RBFOX1: variants seen among roughly 807,000 people sequenced by gnomAD.
RBFOX1 encodes RNA binding fox-1 homolog 1, also known as RNA binding protein fox-1 homolog 1.
In RBFOX1, 8 loss-of-function variants were observed where a neutral mutation model predicts 57.7. That is an observed-to-expected ratio of 0.14 (90% CI 0.08 to 0.25). The LOEUF (loss-of-function observed/expected upper bound fraction) is 0.25. Among genes scored for constraint, RBFOX1 ranks in the 10% least tolerant of loss-of-function variants. The pLI is 1.00. For missense variants in RBFOX1, 611 were observed against 548.5 expected (o/e 1.11, Z -1.14); for synonymous variants, 326 against 222.4 (o/e 1.47, Z -4.15).
At chr16:6,727,078 G>C (rs60815026) in intron 3 of RBFOX1, among the ~76,000 whole-genome samples, 383 of 12,510 alleles carry the variant, frequency 0.031, 3 homozygotes, top group African/African-American at 0.039. Flanking sequence ...CACAGAGAGA[G>C]ACACACAAAA....
chr16:5,730,591 C>T (rs73522300), intron 3 of RBFOX1, among the ~76,000 whole-genome samples: 3,013 of 152,212 alleles, frequency 0.02, 91 homozygotes, highest in African/African-American at 0.066. Flanking sequence ...CCATCATCAT[C>T]ACCAACATCA....
At chr16:7,171,234 A>G (rs965287728) in intron 4 of RBFOX1, among the ~76,000 whole-genome samples, 1 of 152,148 alleles carries the variant, frequency 6.6e-6, no homozygotes, top group Non-Finnish European at 1.5e-5. Flanking sequence ...TCCATGAACT[A>G]TGCTCTTAGG....
intron 5 of RBFOX1, among the ~76,000 whole-genome samples, chr16:7,527,863 T>A (rs915623496): frequency 6.6e-6 from 1 of 152,216 alleles, no homozygotes; most frequent in Non-Finnish European, 1.5e-5. Context: ...AAAAATGTTT[T>A]ATCCAGGAGA....
In RBFOX1 at chr16:6,270,315, C is replaced by G. The variant is rs146181132; in HGVS notation, c.-126-46680C>G. Among the ~76,000 whole-genome samples the G allele has an allele frequency of 7.5e-3, 1,145 of 152,088 alleles. 9 individuals carry two copies. The highest frequency in any genetic ancestry group is 0.024 in the African/African-American group (999 of 41,514). ...GAGTGGATTAAAGTATACAACCTAA[C>G]TATATGCTGTTGACAAGAAACTCCT... On this transcript the variant is annotated intron_variant, in intron 1 of 15. Coordinates refer to ENST00000550418, the MANE Select transcript of RBFOX1 (RefSeq NM_018723.4).
chr16:7,478,946 C>T (rs560772021), intron 4 of RBFOX1, among the ~76,000 whole-genome samples: 6 of 152,036 alleles, frequency 3.9e-5, no homozygotes, highest in East Asian at 3.9e-4. Context: ...CGTTTGTTCC[C>T]GTGCGGACCG....
At chr16:7,579,209 A>T (rs2093565565) in intron 5 of RBFOX1, among the ~76,000 whole-genome samples, 1 of 152,210 alleles carries the variant, frequency 6.6e-6, no homozygotes, top group Admixed American at 6.5e-5. Flanking sequence ...CAAAAGAATA[A>T]GTCAATCAGC....
At chr16:5,277,810 T>G (rs944534266) in intron 1 of RBFOX1, among the ~76,000 whole-genome samples, 1 of 152,230 alleles carries the variant, frequency 6.6e-6, no homozygotes, top group African/African-American at 2.4e-5. Context: ...TCCATCCATT[T>G]AGCTGAAAAT....
At chr16:7,321,055 C>G (rs2096535509) in intron 4 of RBFOX1, among the ~76,000 whole-genome samples, 1 of 108,014 alleles carries the variant, frequency 9.3e-6, no homozygotes, top group South Asian at 3.3e-4. Context: ...GAGAAATTAT[C>G]TATCTATCTG....
chr16:7,331,012 G>C (rs562926242), intron 4 of RBFOX1, among the ~76,000 whole-genome samples: 82 of 152,248 alleles, frequency 5.4e-4, no homozygotes, highest in African/African-American at 1.8e-3. Context: ...TTTTTGAATT[G>C]TACAACGTGG....
chr16:6,631,323 C>T (rs2098382331), intron 2 of RBFOX1, among the ~76,000 whole-genome samples: 2 of 151,456 alleles, frequency 1.3e-5, no homozygotes, highest in Non-Finnish European at 2.9e-5. Context: ...CATTTTAATG[C>T]ATATTTAAGA....
intron 3 of RBFOX1, among the ~76,000 whole-genome samples, chr16:5,690,351 T>A (rs1248785203): frequency 6.6e-6 from 1 of 152,174 alleles, no homozygotes; most frequent in Non-Finnish European, 1.5e-5. Context: ...CAAAAGCCAG[T>A]GATGACCTTG....
intron 4 of RBFOX1, among the ~76,000 whole-genome samples, chr16:7,110,201 A>AG (rs1555482460): frequency 4.0e-5 from 6 of 148,726 alleles, no homozygotes; most frequent in South Asian, 2.2e-4. Flanking sequence ...AAAAAAAAAA[A>AG]AAAGAAAAAA....
At chr16:5,693,721 C>T (rs539399500) in intron 3 of RBFOX1, among the ~76,000 whole-genome samples, 63 of 152,318 alleles carry the variant, frequency 4.1e-4, no homozygotes, top group African/African-American at 1.4e-3. Context: ...GTGACTTCCT[C>T]TTTCCCATTC....
intron 4 of RBFOX1, among the ~76,000 whole-genome samples, chr16:7,093,766 T>A (rs1402953337): frequency 6.6e-6 from 1 of 152,130 alleles, no homozygotes. Flanking sequence ...TGTAAATTGA[T>A]CAGTACTTTT....
intron 3 of RBFOX1, among the ~76,000 whole-genome samples, chr16:6,747,639 A>T (rs994928214): frequency 2.0e-5 from 3 of 152,164 alleles, no homozygotes; most frequent in African/African-American, 7.2e-5. Context: ...TTGTATAAAA[A>T]GTAAAAGTTG....
chr16:5,605,488 G>T (rs759957191), intron 3 of RBFOX1, among the ~76,000 whole-genome samples: 1 of 152,178 alleles, frequency 6.6e-6, no homozygotes, highest in Non-Finnish European at 1.5e-5. Flanking sequence ...GGACAGTGGT[G>T]CCACTGATGA....
intron 3 of RBFOX1, among the ~76,000 whole-genome samples, chr16:5,642,899 C>G (rs2048928689): frequency 6.6e-6 from 1 of 152,152 alleles, no homozygotes; most frequent in African/African-American, 2.4e-5. Context: ...AAAAGCTAGG[C>G]TCCTTGCCTT....
At chr16:7,299,677 C>G (rs1206200249) in intron 4 of RBFOX1, among the ~76,000 whole-genome samples, 2 of 152,142 alleles carry the variant, frequency 1.3e-5, no homozygotes, top group Admixed American at 1.3e-4. Flanking sequence ...GGAGCTTCTG[C>G]AAAATACAGC....
intron 4 of RBFOX1, among the ~76,000 whole-genome samples, chr16:7,495,175 T>A (rs1278481690): frequency 6.6e-6 from 1 of 152,198 alleles, no homozygotes; most frequent in Non-Finnish European, 1.5e-5. Context: ...TGCATAGTAT[T>A]CCATGGTGTA....
Sources: gnomAD v4.1 joint callset for allele counts (sites outside exome capture counted in the v4.1 genomes callset) on GRCh38, gnomAD v4.1.1 for gene constraint, MANE v1.5 for transcripts, NCBI Gene and HGNC (gene_info 2026-07-23, HGNC 2026-07-21) for gene names.